The following FMN1 variants were observed in gnomAD, a reference collection of about 807,000 sequenced individuals.
FMN1 encodes the protein formin-1.
FMN1 carries 110 observed loss-of-function variants against 132.4 expected under a neutral mutation model. The ratio of observed to expected loss-of-function variants is 0.83; its 90% CI spans 0.71 to 0.97. The LOEUF (loss-of-function observed/expected upper bound fraction) is 0.97, where lower values mean the gene tolerates loss of function less well. Ranked by LOEUF, FMN1 falls within the 50% of genes least tolerant of loss-of-function variation. FMN1 has a pLI of 0.00. For missense variants in FMN1, 1,792 were observed against 1,705.3 expected (o/e 1.05, Z -0.90); for synonymous variants, 722 against 651.7 (o/e 1.11, Z -1.64).
rs567429960 is a variant in FMN1, at chr15:32,898,951, C to T, written c.3655-58G>A. ...ATTCCCATGAGACTGTCATGTTACA[C>T]GGTTGAGAGGTGAAATCTCAGTTGA... On this transcript the variant is annotated intron_variant, in intron 14 of 20. Coordinates refer to ENST00000616417, the MANE Select transcript of FMN1 (RefSeq NM_001277313.2). 348 of 1,177,514 alleles carry T rather than the reference C, an allele frequency of 3.0e-4. 1 individual carries two copies. The highest frequency in any genetic ancestry group is 2.2e-3 in the Middle Eastern group (11 of 5,116). 72.9% of individuals were successfully genotyped at this position (1,177,514 alleles called of 1,614,324 possible). A position where few individuals can be genotyped will look rare whatever the true frequency, so the allele number is the denominator to read the frequency against.
chr15:32,960,289 G>A (rs761954752), intron 9 of FMN1, among the ~76,000 whole-genome samples: 3 of 152,128 alleles, frequency 2.0e-5, no homozygotes, highest in Non-Finnish European at 2.9e-5. Flanking sequence ...ACCAAATCTC[G>A]TGAGAACTCA....
chr15:32,925,458 C>A (rs2060937431), intron 10 of FMN1, among the ~76,000 whole-genome samples: 1 of 152,146 alleles, frequency 6.6e-6, no homozygotes, highest in African/African-American at 2.4e-5. Flanking sequence ...AACATAGCAG[C>A]ATCATCAGCA....
At chr15:33,024,013 A>C (rs1417834448) in intron 6 of FMN1, among the ~76,000 whole-genome samples, 1 of 152,134 alleles carries the variant, frequency 6.6e-6, no homozygotes, top group African/African-American at 2.4e-5. Flanking sequence ...GCATATAACC[A>C]ATAAAATGTT....
At chr15:33,063,620 T>C (rs1308750796) in intron 6 of FMN1, 2 of 152,164 alleles carry the variant, frequency 1.3e-5, no homozygotes, top group African/African-American at 2.4e-5. Flanking sequence ...CAGTCATATA[T>C]GTAATTACCC....
At chr15:33,058,036 C>CGGGCTGGTGGTGGGAAGGTGTGGTG (rs2037307831) in intron 6 of FMN1, among the ~76,000 whole-genome samples, 1 of 146,662 alleles carries the variant, frequency 6.8e-6, no homozygotes, top group Non-Finnish European at 1.5e-5. Context: ...AAAGGCGTGG[C>CGGGCTGGTGGTGGGAAGGTGTGGTG]GGGCTGGTGG....
chr15:32,827,956 C>T (rs1354477252), intron 17 of FMN1, among the ~76,000 whole-genome samples: 1 of 151,768 alleles, frequency 6.6e-6, no homozygotes, highest in Admixed American at 6.6e-5. Flanking sequence ...TAAAGAAAAA[C>T]ATGGTTTATT....
intron 15 of FMN1, among the ~76,000 whole-genome samples, chr15:32,890,428 A>C (rs147103786): frequency 1.6e-4 from 24 of 152,332 alleles, no homozygotes; most frequent in African/African-American, 5.8e-4. Context: ...ATCCATGCCA[A>C]CATCTGTTTT....
chr15:32,932,340 G>A (rs552513886), intron 9 of FMN1, among the ~76,000 whole-genome samples: 2 of 152,350 alleles, frequency 1.3e-5, no homozygotes, highest in Admixed American at 1.3e-4. Flanking sequence ...GGCCAAGGTT[G>A]CAGTGAGCTG....
Position 32,964,275 on chromosome 15 carries a change from C to A in FMN1, c.2988-18G>T. On this transcript the variant is annotated intron_variant, in intron 8 of 20. Coordinates refer to ENST00000616417, the MANE Select transcript of FMN1 (RefSeq NM_001277313.2). ...CATTTTGGCTTAAAAGAGAAAATGA[C>A]AAGTTAACCATAAGAACCAAAACAG... is the stretch of plus-strand genomic sequence containing the variant. 6.5e-7 allele frequency: 1 copy of A among 1,539,194 alleles called. No individual in the cohort carries two copies. Among genetic ancestry groups the A allele is most frequent in the South Asian group, 1.3e-5 (1 of 77,396 alleles).
At chr15:33,194,343 T>C (rs1284269780) in intron 1 of FMN1, among the ~76,000 whole-genome samples, 1 of 143,896 alleles carries the variant, frequency 6.9e-6, no homozygotes, top group Non-Finnish European at 1.5e-5. Flanking sequence ...ACAGGAGTTC[T>C]GTAGTGAGGA....
At chr15:32,816,303 A>C (rs1595993614) in intron 17 of FMN1, among the ~76,000 whole-genome samples, 1 of 152,224 alleles carries the variant, frequency 6.6e-6, no homozygotes, top group Non-Finnish European at 1.5e-5. Context: ...AATTATAAAT[A>C]AAGAATATAA....
At chr15:32,884,035 C>T (rs144334632) in intron 16 of FMN1, among the ~76,000 whole-genome samples, 14 of 152,004 alleles carry the variant, frequency 9.2e-5, no homozygotes, top group East Asian at 1.9e-4. Context: ...ATGCTGCACG[C>T]GCATGTGTGT....
chr15:33,122,222 A>C (rs1246379200), intron 4 of FMN1, among the ~76,000 whole-genome samples: 1 of 152,226 alleles, frequency 6.6e-6, no homozygotes, highest in South Asian at 2.1e-4. Flanking sequence ...GTCACCAAAA[A>C]AAGTGAATAA....
chr15:32,985,942 C>A (rs557862543), intron 7 of FMN1, among the ~76,000 whole-genome samples: 1 of 152,180 alleles, frequency 6.6e-6, no homozygotes, highest in East Asian at 1.9e-4. Context: ...CATTAAGGGG[C>A]CAATGCAGGT....
chr15:33,075,206 T>C (rs1329439289), intron 5 of FMN1, among the ~76,000 whole-genome samples: 1 of 151,986 alleles, frequency 6.6e-6, no homozygotes, highest in African/African-American at 2.4e-5. Flanking sequence ...GCATACACTA[T>C]TATGTGTTTG....
intron 6 of FMN1, among the ~76,000 whole-genome samples, chr15:33,033,932 T>G (rs1409976177): frequency 2.0e-5 from 3 of 152,300 alleles, no homozygotes; most frequent in Non-Finnish European, 4.4e-5. Context: ...CGTAGTCTCT[T>G]AGTTCTCCTC....
intron 18 of FMN1, among the ~76,000 whole-genome samples, chr15:32,802,023 C>T (rs751809175): frequency 6.6e-6 from 1 of 152,188 alleles, no homozygotes; most frequent in Non-Finnish European, 1.5e-5. Flanking sequence ...ATTTAACAAC[C>T]AGGAGAATTT....
intron 4 of FMN1, among the ~76,000 whole-genome samples, chr15:33,099,616 T>C (rs780032963): frequency 7.9e-5 from 12 of 152,182 alleles, no homozygotes; most frequent in South Asian, 2.1e-4. Context: ...CCAGGATGAA[T>C]TGATATGAAA....
At chr15:33,035,580 C>T (rs168292) in intron 6 of FMN1, among the ~76,000 whole-genome samples, 59,242 of 151,838 alleles carry the variant, frequency 0.39, 11,938 homozygotes, top group Admixed American at 0.48. Flanking sequence ...CTTACCTCTC[C>T]CTCTTTTCTT....
Sources: gnomAD v4.1 joint callset for allele counts (sites outside exome capture counted in the v4.1 genomes callset) on GRCh38, gnomAD v4.1.1 for gene constraint, MANE v1.5 for transcripts, NCBI Gene and HGNC (gene_info 2026-07-23, HGNC 2026-07-21) for gene names.